The following RNF157 variants were observed in gnomAD, a reference collection of about 807,000 sequenced individuals.
RNF157 encodes the protein E3 ubiquitin ligase RNF157.
RNF157 carries 55 observed loss-of-function variants against 88.3 expected under a neutral mutation model. That is an observed-to-expected ratio of 0.62 (90% CI 0.50 to 0.78). RNF157 has a LOEUF of 0.78. RNF157 is among the 30% of genes least tolerant of loss of function. The probability of loss-of-function intolerance (pLI) is 0.00; values close to 1 mark genes in which losing one functional copy is unlikely to be tolerated. For synonymous variants in RNF157, 334 were observed against 341.2 expected (o/e 0.98, Z 0.23); for missense variants, 788 against 860.8 (o/e 0.92, Z 1.06).
intron 2 of RNF157, among the ~76,000 whole-genome samples, chr17:76,192,250 C>T (rs374875110): frequency 1.2e-4 from 18 of 152,310 alleles, no homozygotes; most frequent in East Asian, 1.2e-3. Context: ...CATCAAACAA[C>T]GAAGCAAAAG....
intron 2 of RNF157, among the ~76,000 whole-genome samples, chr17:76,205,078 T>C (rs1279400104): frequency 6.6e-6 from 1 of 151,656 alleles, no homozygotes; most frequent in Non-Finnish European, 1.5e-5. Context: ...TGAGCCACCA[T>C]GCCCAGTCTC....
At chr17:76,171,527 T>A (rs1221539018) in intron 3 of RNF157, among the ~76,000 whole-genome samples, 1 of 152,158 alleles carries the variant, frequency 6.6e-6, no homozygotes, top group Non-Finnish European at 1.5e-5. Flanking sequence ...AATTACTTAA[T>A]GGGGTTTTCA....
Position 76,161,513 on chromosome 17 carries a change from C to T in RNF157, c.1065+22G>A, listed in dbSNP as rs751360413. 13 of 1,564,904 alleles carry T rather than the reference C, an allele frequency of 8.3e-6. No individual in the cohort carries two copies. The highest frequency in any genetic ancestry group is 2.2e-5 in the South Asian group (2 of 90,026). Reference sequence around the variant, plus strand: ...AATGAGGCATTTGCTTCAGAGGGGCCGTGGTTCCGAGCCCAACTTACTGGA... The same window carrying T: ...AATGAGGCATTTGCTTCAGAGGGGCTGTGGTTCCGAGCCCAACTTACTGGA... On this transcript the variant is annotated intron_variant, in intron 11 of 18. Coordinates refer to ENST00000269391, the MANE Select transcript of RNF157 (RefSeq NM_052916.3). The surrounding 1 kb of genome is among the most constrained non-coding windows in gnomAD (Gnocchi z 4.6).
In RNF157 at chr17:76,178,831, T is replaced by A. The variant is rs2069145392; in HGVS notation, c.208-5041A>T. 2.0e-5 allele frequency among the ~76,000 whole-genome samples: 3 copies of A among 152,162 alleles called. No individual in the cohort carries two copies. The South Asian group carries it at 6.2e-4, about 32-fold the overall frequency. ...GCAGAGGTTATTTTTCTCTCTTTTT[T>A]TTTTCCAGTAACTAACATGTCTTAA... On this transcript the variant is annotated intron_variant, in intron 2 of 18. Coordinates refer to ENST00000269391, the MANE Select transcript of RNF157 (RefSeq NM_052916.3).
chr17:76,220,728 G>A (rs974999024), intron 1 of RNF157, among the ~76,000 whole-genome samples: 2 of 152,142 alleles, frequency 1.3e-5, no homozygotes, highest in Non-Finnish European at 2.9e-5. Context: ...GGGAGGCCGA[G>A]GTGGGTGGAT....
At chr17:76,182,283 ACTC>A (rs2144910567) in intron 2 of RNF157, among the ~76,000 whole-genome samples, 1 of 152,002 alleles carries the variant, frequency 6.6e-6, no homozygotes, top group African/African-American at 2.4e-5. Flanking sequence ...TACGTGAGCA[ACTC>A]CTCTTTGGCT....
At chr17:76,227,100 T>G (rs1258655500) in intron 1 of RNF157, among the ~76,000 whole-genome samples, 2 of 151,468 alleles carry the variant, frequency 1.3e-5, no homozygotes, top group Admixed American at 1.3e-4. Flanking sequence ...CAAATAATAT[T>G]AATAACCTCT....
chr17:76,177,704 C>T lies in RNF157; in HGVS notation c.208-3914G>A, dbSNP rs992279802. Among the ~76,000 whole-genome samples the T allele has an allele frequency of 2.0e-5, 3 of 152,002 alleles. No individual in the cohort carries two copies. The East Asian group carries it at 5.8e-4, about 30-fold the overall frequency. ...ACCTGCACTTCCTCCCCTCTGAGGC[C>T]CATAAAAGGCCCAGGCTCAGCCAGA... On this transcript the variant is annotated intron_variant, in intron 2 of 18. Coordinates refer to ENST00000269391, the MANE Select transcript of RNF157 (RefSeq NM_052916.3).
chr17:76,153,486 C>G (rs1223323712), intron 17 of RNF157: 1 of 152,324 alleles, frequency 6.6e-6, no homozygotes, highest in Non-Finnish European at 1.5e-5. Context: ...GCCGGGCATA[C>G]GTGTGCTCTG....
At chr17:76,233,095 T>TA (rs1568081277) in intron 1 of RNF157, among the ~76,000 whole-genome samples, 1 of 152,102 alleles carries the variant, frequency 6.6e-6, no homozygotes, top group Admixed American at 6.6e-5. Flanking sequence ...TAATTTTTTG[T>TA]ATTTTTAGCA....
chr17:76,224,490 A>G (rs935840877), intron 1 of RNF157, among the ~76,000 whole-genome samples: 3 of 152,152 alleles, frequency 2.0e-5, no homozygotes, highest in Admixed American at 6.6e-5. Context: ...TTCAATAACA[A>G]TAAGCTTTAG....
At chr17:76,220,882 G>A (rs371237589) in intron 1 of RNF157, among the ~76,000 whole-genome samples, 2 of 151,912 alleles carry the variant, frequency 1.3e-5, no homozygotes, top group South Asian at 2.1e-4. Flanking sequence ...CACTTGAACC[G>A]GGGAGGCAGA....
At chr17:76,221,613 T>C (rs972484457) in intron 1 of RNF157, among the ~76,000 whole-genome samples, 2 of 152,220 alleles carry the variant, frequency 1.3e-5, no homozygotes, top group Non-Finnish European at 2.9e-5. Context: ...ACCAGGACTT[T>C]CTTGGTACCA....
rs140270949 is a variant in RNF157, at chr17:76,186,524, C to T, written c.208-12734G>A. ...CTCTGTCTCAAAACAAAAAACAAAA[C>T]GAAACAAAAAAACCCCAAAAAAACT... On this transcript the variant is annotated intron_variant, in intron 2 of 18. Coordinates refer to ENST00000269391, the MANE Select transcript of RNF157 (RefSeq NM_052916.3). Among the ~76,000 whole-genome samples the T allele has an allele frequency of 7.0e-3, 1,066 of 151,422 alleles. 10 individuals are homozygous for T. Among genetic ancestry groups the T allele is most frequent in the African/African-American group, 0.02 (842 of 41,264 alleles).
At chr17:76,239,937 C>G (rs1370637333) in intron 1 of RNF157, among the ~76,000 whole-genome samples, 2 of 152,168 alleles carry the variant, frequency 1.3e-5, no homozygotes, top group African/African-American at 2.4e-5. Flanking sequence ...CCCTCGGTGA[C>G]CCTGCTAGAC....
Position 76,152,405 on chromosome 17 carries a change from G to A in RNF157, c.1871C>T (p.Ala624Val). Residue 624 changes from alanine to valine, a missense_variant, in exon 18 of 19, where the codon GCA becomes GTA. Coordinates refer to ENST00000269391, the MANE Select transcript of RNF157 (RefSeq NM_052916.3). ...ECDNNNDFDI[A>V]SVKALDNKLC... ...CTTATTGTCCAGTGCTTTCACGCTTGCGATGTCAAAGTCATTGTTATTGTC... is the reference window on the plus strand; with the variant it reads ...CTTATTGTCCAGTGCTTTCACGCTTACGATGTCAAAGTCATTGTTATTGTC... 1 of 1,613,860 alleles carries A rather than the reference G, an allele frequency of 6.2e-7. No homozygotes were observed. Among genetic ancestry groups the A allele is most frequent in the Non-Finnish European group, 8.5e-7 (1 of 1,179,742 alleles).
At chr17:76,227,889 A>T (rs1052162347) in intron 1 of RNF157, among the ~76,000 whole-genome samples, 8 of 152,182 alleles carry the variant, frequency 5.3e-5, no homozygotes, top group Non-Finnish European at 1.0e-4. Flanking sequence ...AAAAAAATTT[A>T]AAAAAAGAGG....
intron 1 of RNF157, chr17:76,226,613 T>A: frequency 1.2e-6 from 2 of 1,613,368 alleles, no homozygotes; most frequent in Non-Finnish European, 1.7e-6. Flanking sequence ...GACCAACCCA[T>A]CCACAGTCAG....
chr17:76,154,100 T>G, intron 17 of RNF157, 183 bp downstream of exon 17: 1 of 621,138 alleles, frequency 1.6e-6, no homozygotes, highest in Non-Finnish European at 2.9e-6. Context: ...GCTGAGGAGG[T>G]CATAGAGATC....
Sources: gnomAD v4.1 joint callset for allele counts (sites outside exome capture counted in the v4.1 genomes callset) on GRCh38, gnomAD v4.1.1 for gene constraint, Gnocchi (gnomAD v3.1) non-coding constraint, MANE v1.5 for transcripts, NCBI Gene and HGNC (gene_info 2026-07-23, HGNC 2026-07-21) for gene names.